The following COBL variants were observed in gnomAD, a reference collection of about 807,000 sequenced individuals.
The protein encoded by COBL is protein cordon-bleu.
COBL carries 51 observed loss-of-function variants against 98.8 expected under a neutral mutation model. That is an observed-to-expected ratio of 0.52 (90% CI 0.41 to 0.65). The LOEUF (loss-of-function observed/expected upper bound fraction) is 0.65, where lower values mean the gene tolerates loss of function less well. COBL is among the 30% of genes least tolerant of loss of function. The pLI, the probability that COBL is intolerant of heterozygous loss-of-function variation, is 0.00. For missense variants in COBL, 1,617 were observed against 1,617.5 expected (o/e 1.00, Z 0.01); for synonymous variants, 634 against 651.7 (o/e 0.97, Z 0.41).
intron 6 of COBL, among the ~76,000 whole-genome samples, chr7:51,114,208 G>A (rs1471570528): frequency 6.6e-6 from 1 of 152,054 alleles, no homozygotes; most frequent in Non-Finnish European, 1.5e-5. Context: ...TCAGGAGGGG[G>A]TGACTCCTAA....
At chr7:51,247,150 C>T (rs569878899) in intron 1 of COBL, among the ~76,000 whole-genome samples, 5 of 152,372 alleles carry the variant, frequency 3.3e-5, no homozygotes, top group African/African-American at 9.6e-5. Context: ...CCATCTGCCA[C>T]GTTAAGTCAC....
chr7:51,223,073 C>T (rs1369837006), intron 1 of COBL, among the ~76,000 whole-genome samples: 1 of 152,242 alleles, frequency 6.6e-6, no homozygotes, highest in African/African-American at 2.4e-5. Flanking sequence ...CTTCCCTCCA[C>T]AGTGTGACTA....
chr7:51,162,810 C>G (rs892570320), intron 5 of COBL, among the ~76,000 whole-genome samples: 1 of 152,244 alleles, frequency 6.6e-6, no homozygotes. Context: ...GGCTTGCCCT[C>G]GGCCTCCGCC....
chr7:51,159,985 C>G (rs551409158), intron 5 of COBL, among the ~76,000 whole-genome samples: 3 of 152,138 alleles, frequency 2.0e-5, no homozygotes, highest in Admixed American at 2.0e-4. Flanking sequence ...CTCCGCCTCC[C>G]GAGTTCAAGT....
intron 1 of COBL, among the ~76,000 whole-genome samples, chr7:51,292,905 C>T (rs560881521): frequency 1.5e-4 from 23 of 152,362 alleles, no homozygotes; most frequent in African/African-American, 5.5e-4. Context: ...AAGGCTGCTG[C>T]TACCCTGGGG....
At chr7:51,198,887 C>G (rs578006656) in intron 2 of COBL, among the ~76,000 whole-genome samples, 2 of 152,146 alleles carry the variant, frequency 1.3e-5, no homozygotes, top group Non-Finnish European at 2.9e-5. Flanking sequence ...GTTGTGAAAC[C>G]CTGGTAGAGC....
chr7:51,095,038 G>A (rs1223275286), intron 6 of COBL, among the ~76,000 whole-genome samples: 3 of 152,150 alleles, frequency 2.0e-5, no homozygotes, highest in Non-Finnish European at 4.4e-5. Flanking sequence ...CAAAGTCTGT[G>A]TATTAGTCTG....
chr7:51,253,088 G>GGTACC (rs1377179950), intron 1 of COBL, among the ~76,000 whole-genome samples: 9 of 152,060 alleles, frequency 5.9e-5, no homozygotes, highest in Admixed American at 5.9e-4. Flanking sequence ...CCCAGTCATG[G>GGTACC]TGGCGGGCAC....
At chr7:51,175,065 T>G (rs1214023880) in intron 5 of COBL, among the ~76,000 whole-genome samples, 1 of 152,206 alleles carries the variant, frequency 6.6e-6, no homozygotes, top group Non-Finnish European at 1.5e-5. Flanking sequence ...CCTATGATTT[T>G]CACCTGGGCT....
intron 5 of COBL, among the ~76,000 whole-genome samples, chr7:51,142,742 C>G (rs1233220232): frequency 1.3e-5 from 2 of 152,250 alleles, no homozygotes; most frequent in East Asian, 1.9e-4. Context: ...AGCTATCAGA[C>G]AGTATTTCAG....
intron 5 of COBL, among the ~76,000 whole-genome samples, chr7:51,152,059 T>C (rs562195410): frequency 6.6e-6 from 1 of 152,352 alleles, no homozygotes; most frequent in South Asian, 2.1e-4. Flanking sequence ...AGTCACACTT[T>C]GTGATGCACA....
At chr7:51,215,873 C>T (rs981486292) in intron 2 of COBL, among the ~76,000 whole-genome samples, 1 of 152,242 alleles carries the variant, frequency 6.6e-6, no homozygotes, top group Non-Finnish European at 1.5e-5. Flanking sequence ...GAGCCCTCTA[C>T]AGAAGGAACA....
chr7:51,051,566 A>G (rs1372214432), intron 7 of COBL, among the ~76,000 whole-genome samples: 1 of 152,212 alleles, frequency 6.6e-6, no homozygotes, highest in Non-Finnish European at 1.5e-5. Flanking sequence ...TTCATGCATT[A>G]AAAACAAAAT....
chr7:51,140,252 T>C (rs1021781612), intron 5 of COBL, among the ~76,000 whole-genome samples: 3 of 152,150 alleles, frequency 2.0e-5, no homozygotes, highest in African/African-American at 7.2e-5. Context: ...GCTGCTGTCA[T>C]TCAATGGATA....
rs1416919013 is a variant in COBL at position 51,016,938 on chromosome 7, G to A, written c.*613C>T. The A allele has an allele frequency of 2.0e-5, 8 of 401,498 alleles. No individual in the cohort carries two copies. Among genetic ancestry groups the A allele is most frequent in the African/African-American group, 1.0e-4 (5 of 48,644 alleles). 24.9% of individuals were successfully genotyped at this position (401,498 alleles called of 1,614,324 possible). A position where few individuals can be genotyped will look rare whatever the true frequency, so the allele number is the denominator to read the frequency against. ...TGATTTTTAAAAGCTTAGTTGGTCA[G>A]ATCATGGACTGTGACCCTCTGTGAA... is the stretch of plus-strand genomic sequence containing the variant. On this transcript the variant is annotated 3_prime_UTR_variant, in exon 13 of 13. Transcript: ENST00000265136.
At chr7:51,041,374 A>G (rs1415888896) in intron 8 of COBL, among the ~76,000 whole-genome samples, 1 of 152,118 alleles carries the variant, frequency 6.6e-6, no homozygotes, top group East Asian at 1.9e-4. Flanking sequence ...GTTCATATGA[A>G]TAGGGTTGGA....
intron 2 of COBL, among the ~76,000 whole-genome samples, chr7:51,217,447 T>G (rs1374265254): frequency 6.6e-6 from 1 of 151,024 alleles, no homozygotes; most frequent in African/African-American, 2.4e-5. Flanking sequence ...GTTCAAGTGA[T>G]TCTCCTACCT....
intron 6 of COBL, among the ~76,000 whole-genome samples, chr7:51,090,560 A>G (rs1227285060): frequency 6.6e-6 from 1 of 152,214 alleles, no homozygotes; most frequent in African/African-American, 2.4e-5. Context: ...CACTGATGGG[A>G]AACTGGCACA....
chr7:51,209,046 TAAAAAAAAAA>T (rs572689062), intron 2 of COBL, among the ~76,000 whole-genome samples: 8 of 43,432 alleles, frequency 1.8e-4, no homozygotes, highest in Non-Finnish European at 3.2e-4. Flanking sequence ...AATGATCAAT[TAAAAAAAAAA>T]AAAAAAAAAA....
Sources: gnomAD v4.1 joint callset for allele counts (sites outside exome capture counted in the v4.1 genomes callset) on GRCh38, gnomAD v4.1.1 for gene constraint, MANE v1.5 for transcripts, NCBI Gene and HGNC (gene_info 2026-07-23, HGNC 2026-07-21) for gene names.